The following SDK1 variants were observed in gnomAD, a reference collection of about 807,000 sequenced individuals.
SDK1 encodes sidekick cell adhesion molecule 1, also known as protein sidekick-1.
Under a neutral mutation model 245.5 loss-of-function variants are expected in SDK1, and 157 were observed. The ratio of observed to expected loss-of-function variants is 0.64; its 90% CI spans 0.56 to 0.73. SDK1 has a LOEUF of 0.73. SDK1 is among the 30% of genes least tolerant of loss of function. The pLI is 0.00. For synonymous variants in SDK1, 1,647 were observed against 1,278.5 expected (o/e 1.29, Z -6.15); for missense variants, 3,583 against 3,002.3 (o/e 1.19, Z -4.52).
At chr7:3,961,516 A>T (rs1781678115) in intron 8 of SDK1, among the ~76,000 whole-genome samples, 1 of 152,226 alleles carries the variant, frequency 6.6e-6, no homozygotes, top group Non-Finnish European at 1.5e-5. Context: ...TCTTTAGGGA[A>T]ACTGAGGTAC....
At chr7:3,492,229 T>A (rs1180347616) in intron 1 of SDK1, among the ~76,000 whole-genome samples, 1 of 152,242 alleles carries the variant, frequency 6.6e-6, no homozygotes, top group East Asian at 1.9e-4. Flanking sequence ...AAAATTGTTA[T>A]GTGCTAGGGG....
chr7:3,400,290 G>T (rs1212486094), intron 1 of SDK1, among the ~76,000 whole-genome samples: 1 of 152,104 alleles, frequency 6.6e-6, no homozygotes, highest in Non-Finnish European at 1.5e-5. Context: ...GCTTTAGATT[G>T]TTGTACAGCT....
At chr7:3,909,667 C>T (rs949723749) in intron 5 of SDK1, among the ~76,000 whole-genome samples, 3 of 152,138 alleles carry the variant, frequency 2.0e-5, no homozygotes, top group African/African-American at 7.2e-5. Flanking sequence ...TGTATTATGT[C>T]TAAGGATACA....
At chr7:3,623,148 A>T (rs553884338) in intron 2 of SDK1, among the ~76,000 whole-genome samples, 1 of 152,250 alleles carries the variant, frequency 6.6e-6, no homozygotes, top group East Asian at 1.9e-4. Flanking sequence ...GTAAAGAGCA[A>T]ATACTACACA....
intron 5 of SDK1, among the ~76,000 whole-genome samples, chr7:3,826,756 A>G (rs1231736179): frequency 6.6e-6 from 1 of 152,232 alleles, no homozygotes. Flanking sequence ...CCACCTGACC[A>G]ACAGACTCAA....
In SDK1 at chr7:3,573,300, C is replaced by G. The variant is rs79233928; in HGVS notation, c.299-45780C>G. Among the ~76,000 whole-genome samples, 1,396 of 152,210 alleles carry G rather than the reference C, an allele frequency of 9.2e-3. 18 individuals carry two copies. The highest frequency in any genetic ancestry group is 0.03 in the African/African-American group (1,264 of 41,558). ...CAAGGGACTGACAGTATGGCCTGCA[C>G]AGGCAGAAGAACACATGTGATTACG... is the stretch of plus-strand genomic sequence containing the variant. On this transcript the variant is annotated intron_variant, in intron 1 of 44. Coordinates refer to ENST00000404826, the MANE Select transcript of SDK1 (RefSeq NM_152744.4).
intron 40 of SDK1, among the ~76,000 whole-genome samples, chr7:4,230,159 A>T (rs1785661459): frequency 1.3e-5 from 1 of 78,450 alleles, no homozygotes; most frequent in African/African-American, 5.1e-5. Context: ...GAATGGAAGG[A>T]AGGAAGGAAG....
intron 1 of SDK1, among the ~76,000 whole-genome samples, chr7:3,349,716 C>T (rs1268828540): frequency 6.6e-6 from 1 of 152,210 alleles, no homozygotes; most frequent in Non-Finnish European, 1.5e-5. Flanking sequence ...TCTCCTGCCT[C>T]AGCCTCCCGA....
chr7:3,610,622 A>G (rs1781556934), intron 1 of SDK1, among the ~76,000 whole-genome samples: 1 of 152,242 alleles, frequency 6.6e-6, no homozygotes. Context: ...ATAGCCATAT[A>G]TGTTTCTACC....
intron 4 of SDK1, among the ~76,000 whole-genome samples, chr7:3,651,738 G>A (rs1056146314): frequency 3.9e-5 from 6 of 152,142 alleles, no homozygotes; most frequent in Non-Finnish European, 7.3e-5. Flanking sequence ...TGTAACTGCA[G>A]AACATCAAAG....
chr7:3,693,116 A>G (rs1046978455), intron 4 of SDK1, among the ~76,000 whole-genome samples: 5 of 152,068 alleles, frequency 3.3e-5, no homozygotes, highest in Admixed American at 3.3e-4. Context: ...TAGTGTAGAC[A>G]TATTTCTTAA....
At chr7:3,956,092 C>T (rs1781236067) in intron 7 of SDK1, among the ~76,000 whole-genome samples, 1 of 152,096 alleles carries the variant, frequency 6.6e-6, no homozygotes, top group African/African-American at 2.4e-5. Flanking sequence ...TTTCCATCCC[C>T]TGTTTTGTTG....
At chr7:3,863,570 C>G (rs1780748134) in intron 5 of SDK1, among the ~76,000 whole-genome samples, 1 of 152,164 alleles carries the variant, frequency 6.6e-6, no homozygotes, top group East Asian at 1.9e-4. Context: ...CTCATTACAC[C>G]ATAACTCTTC....
At chr7:3,752,252 A>G (rs541212065) in intron 4 of SDK1, among the ~76,000 whole-genome samples, 135 of 152,260 alleles carry the variant, frequency 8.9e-4, no homozygotes, top group Non-Finnish European at 1.5e-3. Context: ...TATTGGATCA[A>G]TTATTTGTAT....
At chr7:4,190,972 G>A (rs1783170065) in intron 35 of SDK1, among the ~76,000 whole-genome samples, 1 of 152,200 alleles carries the variant, frequency 6.6e-6, no homozygotes, top group South Asian at 2.1e-4. Context: ...GGGGCTCTCA[G>A]GGAAGCCTCT....
chr7:3,814,597 C>G (rs1210747636), intron 4 of SDK1, among the ~76,000 whole-genome samples: 1 of 151,990 alleles, frequency 6.6e-6, no homozygotes, highest in Non-Finnish European at 1.5e-5. Context: ...GTGATGCGGG[C>G]TCTTTTTTGG....
At chr7:3,321,656 A>G (rs1158555469) in intron 1 of SDK1, among the ~76,000 whole-genome samples, 1 of 151,664 alleles carries the variant, frequency 6.6e-6, no homozygotes, top group African/African-American at 2.4e-5. Context: ...TATTTAATGC[A>G]ATGAATGTGG....
In SDK1 at chr7:3,841,081, C is replaced by T. The variant is rs150549588; in HGVS notation, c.847+19498C>T. Among the ~76,000 whole-genome samples the T allele has an allele frequency of 9.0e-4, 137 of 152,312 alleles. 1 individual carries two copies. Among genetic ancestry groups the T allele is most frequent in the African/African-American group, 3.3e-3 (136 of 41,560 alleles). On this transcript the variant is annotated intron_variant, in intron 5 of 44. Transcript: ENST00000404826. ...TCACTTGTCTCCAATCCCAGGGATG[C>T]CCGTTTTGCAGTGGGTCTCGAATGT...
chr7:3,726,747 T>G (rs920814214), intron 4 of SDK1, among the ~76,000 whole-genome samples: 2 of 152,196 alleles, frequency 1.3e-5, no homozygotes, highest in African/African-American at 4.8e-5. Context: ...GACAGTGTCC[T>G]CAGTACCAGC....
Sources: allele counts gnomAD v4.1 joint callset (sites outside exome capture counted in the v4.1 genomes callset), GRCh38; gene constraint gnomAD v4.1.1; transcripts MANE v1.5; gene names NCBI Gene and HGNC (gene_info 2026-07-23, HGNC 2026-07-21).